Variants in COL20A1 observed in about 807,000 individuals in gnomAD.
The protein encoded by COL20A1 is collagen type XX alpha 1 chain.
COL20A1 carries 164 observed loss-of-function variants against 152.9 expected under a neutral mutation model. The observed-to-expected ratio is 1.07, with a 90% CI of 0.94 to 1.22. The LOEUF (loss-of-function observed/expected upper bound fraction) is 1.22, where lower values mean the gene tolerates loss of function less well. Ranked by LOEUF, COL20A1 falls within the 50% of genes most tolerant of loss-of-function variation. The pLI is 0.00. For synonymous variants in COL20A1, 864 were observed against 756.0 expected, an observed-to-expected ratio of 1.14 and a Z score of -2.34; for missense variants, 1,873 against 1,744.8, an observed-to-expected ratio of 1.07 and a Z score of -1.31.
At chr20:63,320,240 G>T (rs1182491889) in intron 24 of COL20A1, 43 bp downstream of exon 24, 7 of 1,604,026 alleles carry the variant, frequency 4.4e-6, no homozygotes, top group Admixed American at 1.7e-5. Context: ...GCTGGTGGGG[G>T]CTGGCAGCCT....
intron 19 of COL20A1, among the ~76,000 whole-genome samples, chr20:63,314,681 G>T (rs1023612297): frequency 6.6e-6 from 1 of 152,148 alleles, no homozygotes; most frequent in Admixed American, 6.5e-5. Context: ...CCCATCAGGA[G>T]TGCTCCTTCC....
intron 31 of COL20A1, chr20:63,327,657 C>G (rs1262918545): frequency 4.1e-6 from 2 of 485,818 alleles, no homozygotes; most frequent in African/African-American, 3.9e-5. Flanking sequence ...GGCAGTGTCC[C>G]ACACCCGCCA....
chr20:63,321,986 CAGGGGCTG>C, intron 26 of COL20A1, 64 bp from the exon 27 acceptor site: 1 of 1,304,792 alleles, frequency 7.7e-7, no homozygotes, highest in African/African-American at 1.5e-5. Flanking sequence ...GCATGGGGCT[CAGGGGCTG>C]GTCTTTGCTC....
In COL20A1 at chr20:63,322,056, A is replaced by G; in HGVS notation, c.3241-2A>G. ...GGCTTAGCCCTGTTTGTGCCTCTGCAGGGCCTCCCTGGGAGGAATGGCACC... is the reference window on the plus strand; with the variant it reads ...GGCTTAGCCCTGTTTGTGCCTCTGCGGGGCCTCCCTGGGAGGAATGGCACC... On this transcript the variant is annotated splice_acceptor_variant, in intron 26 of 35. Transcript: ENST00000358894. LOFTEE classifies it high-confidence loss of function. 6.6e-7 allele frequency: 1 copy of G among 1,508,512 alleles called. No individual in the cohort carries two copies. The highest frequency in any genetic ancestry group is 8.8e-7 in the Non-Finnish European group (1 of 1,131,400). 93.4% of individuals were successfully genotyped at this position (1,508,512 alleles called of 1,614,324 possible).
At chr20:63,297,768 G>A in intron 2 of COL20A1, 142 bp from the exon 3 acceptor site, 1 of 629,170 alleles carries the variant, frequency 1.6e-6, no homozygotes, top group Non-Finnish European at 2.7e-6. Flanking sequence ...GACACCCTGG[G>A]TGGGCTTCTG....
chr20:63,299,223 T>A (rs1363206294), intron 3 of COL20A1, among the ~76,000 whole-genome samples: 1 of 152,222 alleles, frequency 6.6e-6, no homozygotes, highest in African/African-American at 2.4e-5. Context: ...GTTTCTGGTG[T>A]CCGTGCGCCT....
At chr20:63,329,259 C>A in intron 34 of COL20A1, 1 of 288,324 alleles carries the variant, frequency 3.5e-6, no homozygotes, top group Non-Finnish European at 6.5e-6. Flanking sequence ...TGCAGCCTGG[C>A]AGATGAGGGG....
intron 2 of COL20A1, among the ~76,000 whole-genome samples, chr20:63,296,653 G>A (rs1022363884): frequency 5.3e-5 from 8 of 152,332 alleles, no homozygotes; most frequent in South Asian, 4.1e-4. Context: ...GGTCCCTGAC[G>A]TTCTCAGGCA....
At chr20:63,294,916 A>AGCTGGGAGGTATCCCCTAGACAACAGGTT in intron 1 of COL20A1, 182 bp from the exon 2 acceptor site, 1 of 555,476 alleles carries the variant, frequency 1.8e-6, no homozygotes. Context: ...AGTTTTAGGC[A>AGCTGGGAGGTATCCCCTAGACAACAGGTT]GCTGGGAGGT....
At chr20:63,318,935 C>T in intron 21 of COL20A1, 123 bp from the exon 22 acceptor site, 1 of 757,386 alleles carries the variant, frequency 1.3e-6, no homozygotes, top group Non-Finnish European at 2.3e-6. Context: ...AGGGGTCCAC[C>T]ATGACCCTCA....
chr20:63,304,761 C>G (rs933975167), intron 3 of COL20A1, among the ~76,000 whole-genome samples: 1 of 150,212 alleles, frequency 6.7e-6, no homozygotes, highest in Non-Finnish European at 1.5e-5. Flanking sequence ...GTGTGGATTT[C>G]TTGCCCTTTT....
chr20:63,322,166 A>G, intron 27 of COL20A1, 55 bp downstream of exon 27: 1 of 1,336,594 alleles, frequency 7.5e-7, no homozygotes, highest in African/African-American at 1.5e-5. Flanking sequence ...CTACCAGAAG[A>G]GAACACCCCT....
chr20:63,318,977 G>A (rs1173541154), intron 21 of COL20A1, 81 bp from the exon 22 acceptor site: 32 of 1,128,850 alleles, frequency 2.8e-5, no homozygotes, highest in Non-Finnish European at 4.1e-5. Flanking sequence ...CTGGGGCTGG[G>A]GCTGGGCGAG....
intron 2 of COL20A1, among the ~76,000 whole-genome samples, chr20:63,297,097 GCA>G (rs979903019): frequency 1.3e-4 from 20 of 152,336 alleles, no homozygotes; most frequent in Admixed American, 1.2e-3. Flanking sequence ...GTACCAACGT[GCA>G]CACACGTGCC....
intron 19 of COL20A1, 42 bp downstream of exon 19, chr20:63,314,243 C>G: frequency 6.6e-7 from 1 of 1,524,050 alleles, no homozygotes; most frequent in East Asian, 2.5e-5. Flanking sequence ...AGACCCAGCC[C>G]CAGCCGGGCC....
At chr20:63,328,046 C>T (rs767516803) in intron 32 of COL20A1, 33 bp from the exon 33 acceptor site, 14 of 1,613,194 alleles carry the variant, frequency 8.7e-6, no homozygotes, top group African/African-American at 5.3e-5. Context: ...ACCTGCCACA[C>T]GGGTCCCAAA....
chr20:63,316,747 T>TGG, intron 21 of COL20A1, 56 bp downstream of exon 21: 1 of 1,451,012 alleles, frequency 6.9e-7, no homozygotes, highest in East Asian at 2.6e-5. Flanking sequence ...CCGCTGAAGA[T>TGG]TAGGAGGACA....
rs2068120698 is a variant in COL20A1 at position 63,319,032 on chromosome 20, G to T, written c.2664-26G>T. On this transcript the variant is annotated intron_variant, in intron 21 of 35. Transcript: ENST00000358894. The surrounding 1 kb of genome is among the most constrained non-coding windows in gnomAD (Gnocchi z 4.4). ...TGGCTGCCCTTGGGTCTGCTCATGT[G>T]CCTCTCCCTCCCCCAACCCCCACAG... 2 of 1,588,014 alleles carry T rather than the reference G, an allele frequency of 1.3e-6. No individual in the cohort carries two copies. Among genetic ancestry groups the T allele is most frequent in the Non-Finnish European group, 1.7e-6 (2 of 1,158,044 alleles).
chr20:63,307,285 C>T (rs185894224), intron 5 of COL20A1, among the ~76,000 whole-genome samples: 2 of 152,360 alleles, frequency 1.3e-5, no homozygotes, highest in African/African-American at 2.4e-5. Context: ...CACCAGGCTG[C>T]CTCACATTAG....
Sources: gnomAD v4.1 joint callset for allele counts (sites outside exome capture counted in the v4.1 genomes callset) on GRCh38, gnomAD v4.1.1 for gene constraint, Gnocchi (gnomAD v3.1) non-coding constraint, MANE v1.5 for transcripts, NCBI Gene and HGNC (gene_info 2026-07-23, HGNC 2026-07-21) for gene names.